The following ASXL3 variants were observed in gnomAD, a reference collection of about 807,000 sequenced individuals.
The protein encoded by ASXL3 is putative Polycomb group protein ASXL3.
A neutral mutation model predicts 170.6 loss-of-function variants in ASXL3; 34 were observed. The ratio of observed to expected loss-of-function variants is 0.20; its 90% confidence interval spans 0.15 to 0.27. The LOEUF is 0.27. ASXL3 is among the 10% of genes least tolerant of loss of function. The pLI is 1.00. For synonymous variants in ASXL3, 1,002 were observed against 989.1 expected, an observed-to-expected ratio of 1.01 and a Z score of -0.24; for missense variants, 2,592 against 2,695.3, an observed-to-expected ratio of 0.96 and a Z score of 0.85.
chr18:33,671,633 G>T, intron 6 of ASXL3, 114 bp from the exon 7 acceptor site: 3 of 856,460 alleles, frequency 3.5e-6, no homozygotes, highest in Non-Finnish European at 3.4e-6. Context: ...GCCAAAGGTA[G>T]TGTATTAACT....
In ASXL3 at chr18:33,744,720, C is replaced by G. The variant is rs1338785797; in HGVS notation, c.4872C>G (p.His1624Gln). The change falls in exon 12 of 12, where the codon CAC becomes CAG. Residue 1624 changes from histidine (H) to glutamine (Q), a missense_variant. Coordinates refer to ENST00000269197, the MANE Select transcript of ASXL3 (RefSeq NM_030632.3). ...GCACAGGACAGCCTCTGGTTACTCA[C>G]TCGGGTTCAAGTAAACAAAAAGAAT... is the stretch of plus-strand genomic sequence containing the variant. ...MRSTGQPLVTHSGSSKQKEYL... is the reference protein window; with the variant it reads ...MRSTGQPLVTQSGSSKQKEYL... 3 of 1,613,218 alleles carry G rather than the reference C, an allele frequency of 1.9e-6. No homozygotes were observed. The highest frequency in any genetic ancestry group is 2.7e-5 in the African/African-American group (2 of 74,918).
chr18:33,675,137 T>C (rs2066404991), intron 7 of ASXL3, among the ~76,000 whole-genome samples: 1 of 152,198 alleles, frequency 6.6e-6, no homozygotes. Context: ...GAATGACTGA[T>C]TCTAATTAAC....
Position 33,738,639 on chromosome 18 carries a change from C to A in ASXL3, c.1235C>A (p.Ala412Asp). Residue 412 changes from alanine to aspartate, a missense_variant, in exon 11 of 12, where the codon GCT becomes GAT. Ala to Asp is a moderately radical substitution (Grantham distance 126). Coordinates refer to ENST00000269197, the MANE Select transcript of ASXL3 (RefSeq NM_030632.3). ...EQQPKSMKSP[A>D]SPEPGFCATL... ...CAGCCAAAAAGCATGAAAAGCCCAG[C>A]TTCTCCAGAGCCTGGTTTCTGTGCT... 3 of 1,613,940 alleles carry A rather than the reference C, an allele frequency of 1.9e-6. No individual in the cohort carries two copies. The highest frequency in any genetic ancestry group is 2.5e-6 in the Non-Finnish European group (3 of 1,179,870).
At chr18:33,587,095 A>G (rs1029770804) in intron 1 of ASXL3, among the ~76,000 whole-genome samples, 1 of 152,190 alleles carries the variant, frequency 6.6e-6, no homozygotes, top group African/African-American at 2.4e-5. Flanking sequence ...AAGAACAGAT[A>G]CAATTTTACT....
intron 5 of ASXL3, among the ~76,000 whole-genome samples, chr18:33,663,943 A>G (rs565240191): frequency 2.0e-5 from 3 of 152,066 alleles, no homozygotes; most frequent in Admixed American, 6.6e-5. Context: ...ACATATATAT[A>G]TATTTCCATA....
chr18:33,686,285 A>G (rs979800040), intron 8 of ASXL3, among the ~76,000 whole-genome samples: 1 of 152,214 alleles, frequency 6.6e-6, no homozygotes, highest in Admixed American at 6.5e-5. Context: ...AGAATAACAG[A>G]AGGGAGAAAA....
At chr18:33,688,892 A>G (rs762153499) in intron 8 of ASXL3, among the ~76,000 whole-genome samples, 2 of 152,228 alleles carry the variant, frequency 1.3e-5, no homozygotes, top group Non-Finnish European at 2.9e-5. Context: ...AAATAATCAT[A>G]AACTTTTAGA....
At chr18:33,703,450 C>T (rs539326114) in intron 8 of ASXL3, among the ~76,000 whole-genome samples, 1 of 152,262 alleles carries the variant, frequency 6.6e-6, no homozygotes, top group East Asian at 1.9e-4. Context: ...GTATTCTTGG[C>T]CTGTCACTCA....
At chr18:33,612,502 G>A (rs1026454527) in intron 2 of ASXL3, among the ~76,000 whole-genome samples, 1 of 151,970 alleles carries the variant, frequency 6.6e-6, no homozygotes, top group Admixed American at 6.6e-5. Context: ...GTATCAATGA[G>A]AATTCTTTAT....
At chr18:33,628,261 G>A (rs562613654) in intron 2 of ASXL3, among the ~76,000 whole-genome samples, 6 of 152,094 alleles carry the variant, frequency 3.9e-5, no homozygotes, top group East Asian at 1.9e-4. Context: ...CCTCGGTCTC[G>A]CCCATTCCAA....
intron 10 of ASXL3, among the ~76,000 whole-genome samples, chr18:33,735,887 C>T (rs1309427213): frequency 1.3e-5 from 2 of 152,158 alleles, no homozygotes. Context: ...ACTACCTAAG[C>T]TCTGCTCCCA....
At chr18:33,614,850 G>A (rs1423465772) in intron 2 of ASXL3, 2 of 151,260 alleles carry the variant, frequency 1.3e-5, no homozygotes, top group Admixed American at 6.6e-5. Flanking sequence ...TGAGCAGTAC[G>A]TCTTAACAGC....
chr18:33,678,198 G>A (rs1321269415), intron 7 of ASXL3, among the ~76,000 whole-genome samples: 2 of 152,044 alleles, frequency 1.3e-5, no homozygotes, highest in Non-Finnish European at 1.5e-5. Flanking sequence ...GAGTAGCTGG[G>A]ATTACAGGAA....
chr18:33,620,503 G>C (rs1185787643), intron 2 of ASXL3, among the ~76,000 whole-genome samples: 1 of 152,078 alleles, frequency 6.6e-6, no homozygotes, highest in Non-Finnish European at 1.5e-5. Context: ...AGTACTAGTA[G>C]GAATTGCCAA....
At chr18:33,675,802 C>A (rs2145266018) in intron 7 of ASXL3, among the ~76,000 whole-genome samples, 1 of 151,830 alleles carries the variant, frequency 6.6e-6, no homozygotes, top group South Asian at 2.1e-4. Context: ...CACCATGGAC[C>A]CCCTCAGACC....
At chr18:33,682,584 T>C (rs1446589232) in intron 7 of ASXL3, among the ~76,000 whole-genome samples, 1 of 152,160 alleles carries the variant, frequency 6.6e-6, no homozygotes, top group Non-Finnish European at 1.5e-5. Flanking sequence ...AGTTTCACTC[T>C]GTCACTGAGG....
intron 7 of ASXL3, among the ~76,000 whole-genome samples, chr18:33,675,191 G>GTGTC (rs1231761203): frequency 6.6e-6 from 1 of 152,138 alleles, no homozygotes; most frequent in Non-Finnish European, 1.5e-5. Context: ...ACATCCTAGG[G>GTGTC]TGTCCATAGT....
intron 8 of ASXL3, among the ~76,000 whole-genome samples, chr18:33,698,322 C>T (rs1252695292): frequency 6.6e-6 from 1 of 152,118 alleles, no homozygotes; most frequent in Non-Finnish European, 1.5e-5. Flanking sequence ...GATCTCACAG[C>T]CCCTAGAACT....
intron 7 of ASXL3, among the ~76,000 whole-genome samples, chr18:33,680,995 TTGAG>T (rs1436630669): frequency 3.3e-5 from 5 of 152,026 alleles, no homozygotes; most frequent in Non-Finnish European, 7.4e-5. Flanking sequence ...TTCCTTTTGA[TTGAG>T]TTTTTCCATC....
Sources: gnomAD v4.1 joint callset for allele counts (sites outside exome capture counted in the v4.1 genomes callset) on GRCh38, gnomAD v4.1.1 for gene constraint, MANE v1.5 for transcripts, NCBI Gene and HGNC (gene_info 2026-07-23, HGNC 2026-07-21) for gene names.